Variants in SNCAIP observed in about 807,000 individuals in gnomAD.
SNCAIP encodes synuclein alpha interacting protein.
Under a neutral mutation model 86.7 loss-of-function variants are expected in SNCAIP, and 43 were observed. The ratio of observed to expected loss-of-function variants is 0.50; its 90% CI spans 0.39 to 0.64. The LOEUF (loss-of-function observed/expected upper bound fraction) is 0.64. SNCAIP is among the 30% of genes least tolerant of loss of function. The probability of loss-of-function intolerance (pLI) is 0.00; values close to 1 mark genes in which losing one functional copy is unlikely to be tolerated. For synonymous variants in SNCAIP, 417 were observed against 427.2 expected, an observed-to-expected ratio of 0.98 and a Z score of 0.29; for missense variants, 981 against 1,103.1, an observed-to-expected ratio of 0.89 and a Z score of 1.57.
At chr5:122,444,794 C>T in intron 8 of SNCAIP, 62 bp downstream of exon 8, 1 of 1,347,032 alleles carries the variant, frequency 7.4e-7, no homozygotes, top group Admixed American at 1.7e-5. Flanking sequence ...ACTTAGGCTT[C>T]AGCCCCATGC....
intron 3 of SNCAIP, among the ~76,000 whole-genome samples, chr5:122,419,742 AT>A (rs1776014723): frequency 6.6e-6 from 1 of 152,188 alleles, no homozygotes; most frequent in Non-Finnish European, 1.5e-5. Context: ...TAGCCTCAAA[AT>A]TTTTCTAGTA....
At chr5:122,316,906 A>G (rs1300429943) in intron 1 of SNCAIP, among the ~76,000 whole-genome samples, 2 of 152,202 alleles carry the variant, frequency 1.3e-5, no homozygotes, top group African/African-American at 4.8e-5. Flanking sequence ...CAGCATACAC[A>G]GCTGCTCTTT....
Position 122,404,263 on chromosome 5 carries a change from G to T in SNCAIP, c.130+398G>T, listed in dbSNP as rs796098080. Among the ~76,000 whole-genome samples, 100 of 152,284 alleles carry T rather than the reference G, an allele frequency of 6.6e-4. 1 individual carries two copies. Among genetic ancestry groups the T allele is most frequent in the African/African-American group, 2.3e-3 (96 of 41,556 alleles). ...ATGGCAAGGACCAGCTTGGGGAATG[G>T]TGCTTTGCCAAAGTCGGAAACCCTA... On this transcript the variant is annotated intron_variant, in intron 3 of 10. Transcript: ENST00000261368.
At chr5:122,352,099 A>AT (rs1759977165) in intron 1 of SNCAIP, among the ~76,000 whole-genome samples, 1 of 152,180 alleles carries the variant, frequency 6.6e-6, no homozygotes, top group Non-Finnish European at 1.5e-5. Flanking sequence ...TAAATCAGGT[A>AT]TTTTTAGTGA....
intron 10 of SNCAIP, 118 bp downstream of exon 10, chr5:122,451,719 A>G: frequency 1.3e-6 from 1 of 763,840 alleles, no homozygotes; most frequent in South Asian, 1.7e-5. Flanking sequence ...AAAAAAATCC[A>G]AAGGGATGCA....
At chr5:122,360,488 C>T (rs1761986994) in intron 1 of SNCAIP, among the ~76,000 whole-genome samples, 1 of 152,176 alleles carries the variant, frequency 6.6e-6, no homozygotes, top group Non-Finnish European at 1.5e-5. Context: ...ACCTCATCAG[C>T]TTAAGATGGA....
chr5:122,415,895 C>T (rs1375776323), intron 3 of SNCAIP, among the ~76,000 whole-genome samples: 1 of 152,200 alleles, frequency 6.6e-6, no homozygotes, highest in Non-Finnish European at 1.5e-5. Context: ...GAACACAAAA[C>T]TTAATCCACT....
chr5:122,422,227 G>A (rs1411214364), intron 3 of SNCAIP, among the ~76,000 whole-genome samples: 1 of 152,136 alleles, frequency 6.6e-6, no homozygotes, highest in African/African-American at 2.4e-5. Context: ...TTTGACCAAG[G>A]TGGGGTTAAC....
chr5:122,441,493 C>A (rs1780908527), intron 7 of SNCAIP, among the ~76,000 whole-genome samples: 1 of 152,178 alleles, frequency 6.6e-6, no homozygotes, highest in Non-Finnish European at 1.5e-5. Context: ...GGAGTCTCGA[C>A]CCCCTGCCCC....
chr5:122,443,043 A>G (rs1332067955), intron 7 of SNCAIP, among the ~76,000 whole-genome samples: 1 of 152,212 alleles, frequency 6.6e-6, no homozygotes, highest in Non-Finnish European at 1.5e-5. Context: ...GTGTGTTTAT[A>G]TAGCATCTCT....
At chr5:122,334,709 A>G (rs1244959623) in intron 1 of SNCAIP, among the ~76,000 whole-genome samples, 1 of 152,236 alleles carries the variant, frequency 6.6e-6, no homozygotes, top group African/African-American at 2.4e-5. Context: ...TTTAAAGACC[A>G]TTCTACAATT....
At chr5:122,328,644 C>T (rs536945517) in intron 1 of SNCAIP, among the ~76,000 whole-genome samples, 1 of 152,158 alleles carries the variant, frequency 6.6e-6, no homozygotes, top group Non-Finnish European at 1.5e-5. Flanking sequence ...CTGAATTCTA[C>T]ACCTTTCTGA....
chr5:122,317,912 A>G lies in SNCAIP; in HGVS notation c.-47+5628A>G, dbSNP rs114584961. Among the ~76,000 whole-genome samples, 495 of 152,040 alleles carry G rather than the reference A, an allele frequency of 3.3e-3. 5 individuals are homozygous for G. Among genetic ancestry groups the G allele is most frequent in the African/African-American group, 0.012 (477 of 41,470 alleles). On this transcript the variant is annotated intron_variant, in intron 1 of 10. Transcript: ENST00000261368. ...TTCCTTTCATGTTTCACTCTTCCCA[A>G]GTCACCTCTACAAATGCTGCCTTCA... is the stretch of plus-strand genomic sequence containing the variant.
chr5:122,422,826 A>T, intron 3 of SNCAIP, 42 bp from the exon 4 acceptor site: 1 of 1,554,732 alleles, frequency 6.4e-7, no homozygotes, highest in Non-Finnish European at 8.9e-7. Flanking sequence ...TGTGTTCAGC[A>T]TTCCAGATTA....
intron 3 of SNCAIP, among the ~76,000 whole-genome samples, chr5:122,422,125 T>C (rs1260960026): frequency 6.6e-6 from 1 of 152,112 alleles, no homozygotes; most frequent in East Asian, 1.9e-4. Context: ...CTAAAGAACA[T>C]GTTCTGTTGT....
At chr5:122,342,086 C>T (rs1757709911) in intron 1 of SNCAIP, among the ~76,000 whole-genome samples, 1 of 152,138 alleles carries the variant, frequency 6.6e-6, no homozygotes, top group East Asian at 1.9e-4. Context: ...TAGCTGTTTG[C>T]CCATCAGCTG....
chr5:122,419,588 G>T (rs1317139300), intron 3 of SNCAIP, among the ~76,000 whole-genome samples: 1 of 152,166 alleles, frequency 6.6e-6, no homozygotes. Context: ...GCAATTTTCT[G>T]GGTTCTTTAA....
intron 3 of SNCAIP, among the ~76,000 whole-genome samples, chr5:122,413,055 A>G (rs771168044): frequency 6.6e-6 from 1 of 152,196 alleles, no homozygotes; most frequent in Non-Finnish European, 1.5e-5. Context: ...TGGAGCCCTC[A>G]TAAATGGAAT....
At chr5:122,438,618 T>C (rs1780073268) in intron 6 of SNCAIP, among the ~76,000 whole-genome samples, 2 of 152,226 alleles carry the variant, frequency 1.3e-5, no homozygotes, top group Non-Finnish European at 2.9e-5. Flanking sequence ...ACCAGAAATA[T>C]GTCATAGGAA....
Sources: gnomAD v4.1 joint callset for allele counts (sites outside exome capture counted in the v4.1 genomes callset) on GRCh38, gnomAD v4.1.1 for gene constraint, MANE v1.5 for transcripts, NCBI Gene and HGNC (gene_info 2026-07-23, HGNC 2026-07-21) for gene names.